The following NLGN4X variants were observed in gnomAD, a reference collection of about 807,000 sequenced individuals.
NLGN4X encodes the protein neuroligin-4, X-linked.
In NLGN4X, 3 loss-of-function variants were observed where a neutral mutation model predicts 40.3. The observed-to-expected ratio is 0.07, with a 90% CI of 0.03 to 0.19. The LOEUF (loss-of-function observed/expected upper bound fraction) is 0.19. Ranked by LOEUF, NLGN4X falls within the 10% of genes least tolerant of loss-of-function variation. NLGN4X has a pLI of 1.00. For missense variants in NLGN4X, 382 were observed against 708.3 expected (o/e 0.54, Z 5.23); for synonymous variants, 270 against 306.8 (o/e 0.88, Z 1.25).
At chrX:6,046,924 A>G (rs1276906011) in intron 2 of NLGN4X, among the ~76,000 whole-genome samples, 1 of 108,518 alleles carries the variant, frequency 9.2e-6, no homozygotes, top group Non-Finnish European at 1.9e-5. Flanking sequence ...TAAAATGTAT[A>G]TATAATGTAT....
At chrX:6,102,824 TTAGA>T (rs1463101491) in intron 2 of NLGN4X, among the ~76,000 whole-genome samples, 25 of 110,251 alleles carry the variant, frequency 2.3e-4, no homozygotes, top group Admixed American at 1.9e-3. Context: ...AATCAACAGA[TTAGA>T]TAGAGAGAGA....
chrX:6,216,206 T>C (rs1398290659), intron 1 of NLGN4X, among the ~76,000 whole-genome samples: 1 of 111,695 alleles, frequency 9.0e-6, no homozygotes. Context: ...TCCTGTCATA[T>C]AGGTGTTGGA....
chrX:6,143,740 A>T (rs779692431), intron 2 of NLGN4X, among the ~76,000 whole-genome samples: 7 of 112,007 alleles, frequency 6.2e-5, no homozygotes, highest in Non-Finnish European at 1.1e-4. Flanking sequence ...TAATCCCAGA[A>T]CTCTGGAGTT....
chrX:6,204,787 G>C (rs1053481770), intron 1 of NLGN4X, among the ~76,000 whole-genome samples: 2 of 111,696 alleles, frequency 1.8e-5, no homozygotes, highest in African/African-American at 6.5e-5. Context: ...TTATGTTTGA[G>C]AAACACTACA....
intron 2 of NLGN4X, among the ~76,000 whole-genome samples, chrX:6,111,347 G>C (rs1407402842): frequency 9.0e-6 from 1 of 111,278 alleles, no homozygotes; most frequent in Non-Finnish European, 1.9e-5. Flanking sequence ...AACATGTGAG[G>C]ATAAATCAAG....
rs143680924 is a variant in NLGN4X, at chrX:6,204,952, A to C, written c.-306+23589T>G. On this transcript the variant is annotated intron_variant, in intron 1 of 5. Coordinates refer to ENST00000381095, the MANE Select transcript of NLGN4X (RefSeq NM_181332.3). The stretch of plus-strand genomic sequence containing the variant: ...GTTTTGTGGATGCAGCAATCAGGCA[A>C]ACCAGGAAACCATGAGCCAATTCTT... Among the ~76,000 whole-genome samples, 11 of 111,861 alleles carry C rather than the reference A, an allele frequency of 9.8e-5. No individual in the cohort carries two copies. The East Asian group carries it at 3.1e-3, about 32-fold the overall frequency.
At chrX:6,013,375 T>G (rs1342630659) in intron 3 of NLGN4X, among the ~76,000 whole-genome samples, 1 of 106,117 alleles carries the variant, frequency 9.4e-6, no homozygotes, top group East Asian at 3.0e-4. Context: ...GGGCATTCAC[T>G]GATTTTGAGA....
intron 3 of NLGN4X, among the ~76,000 whole-genome samples, chrX:5,985,218 G>A (rs1208866616): frequency 9.1e-6 from 1 of 110,075 alleles, no homozygotes. Context: ...TAGTGTAGAG[G>A]GAGAAGTGGG....
chrX:6,077,009 T>C (rs1033863977), intron 2 of NLGN4X, among the ~76,000 whole-genome samples: 17 of 111,885 alleles, frequency 1.5e-4, no homozygotes, highest in African/African-American at 5.5e-4. Flanking sequence ...ATAGTTCCAA[T>C]ATGTTCTTTC....
chrX:5,930,283 A>G (rs1408076253), intron 3 of NLGN4X, among the ~76,000 whole-genome samples: 6 of 112,350 alleles, frequency 5.3e-5, no homozygotes, highest in Non-Finnish European at 9.4e-5. Context: ...CAACAATAAG[A>G]AATGTAGATA....
At chrX:6,212,534 C>T (rs1368381120) in intron 1 of NLGN4X, among the ~76,000 whole-genome samples, 1 of 111,573 alleles carries the variant, frequency 9.0e-6, no homozygotes, top group African/African-American at 3.3e-5. Flanking sequence ...GTTCCTTCAA[C>T]TTTATACCTC....
At chrX:6,155,698 G>A (rs901712431) in intron 1 of NLGN4X, among the ~76,000 whole-genome samples, 1 of 112,277 alleles carries the variant, frequency 8.9e-6, no homozygotes, top group African/African-American at 3.2e-5. Flanking sequence ...CTACATAAAG[G>A]AGATTACAAT....
Position 5,892,649 on chromosome X carries a change from G to T in NLGN4X, c.*168C>A. ...TGGAAAACACCAACGATAAGGGTCT[G>T]CCGGGATGGGATGACTGCCTTTTTG... is the stretch of plus-strand genomic sequence containing the variant. On this transcript the variant is annotated 3_prime_UTR_variant, in exon 6 of 6. Coordinates refer to ENST00000381095, the MANE Select transcript of NLGN4X (RefSeq NM_181332.3). 1 of 619,836 alleles carries T rather than the reference G, an allele frequency of 1.6e-6. No homozygotes were observed. The highest frequency in any genetic ancestry group is 2.5e-6 in the Non-Finnish European group (1 of 398,338). The allele number at this position is 619,836 out of a possible 1,213,427, so 51.1% of individuals were successfully genotyped here.
In NLGN4X at chrX:6,043,966, T is replaced by C. The variant is rs760289300; in HGVS notation, c.473-14534A>G. Among the ~76,000 whole-genome samples, 4 of 111,244 alleles carry C rather than the reference T, an allele frequency of 3.6e-5. No homozygotes were observed. The South Asian group carries it at 1.5e-3, about 42-fold the overall frequency. ...CATAATGAAGAGGTTCTTTATTCTGTTCAGTTAAACACTAAAGGAGGCTGG... is the reference window on the plus strand; with the variant it reads ...CATAATGAAGAGGTTCTTTATTCTGCTCAGTTAAACACTAAAGGAGGCTGG... On this transcript the variant is annotated intron_variant, in intron 2 of 5. Coordinates refer to ENST00000381095, the MANE Select transcript of NLGN4X (RefSeq NM_181332.3).
intron 2 of NLGN4X, among the ~76,000 whole-genome samples, chrX:6,059,054 T>TA (rs60528751): frequency 0.024 from 2,600 of 110,043 alleles, 66 homozygotes; most frequent in African/African-American, 0.079. Context: ...TGGAATTAGC[T>TA]AAAAAAAAAT....
chrX:6,040,982 G>C (rs2037142183), intron 2 of NLGN4X, among the ~76,000 whole-genome samples: 1 of 111,348 alleles, frequency 9.0e-6, no homozygotes, highest in Non-Finnish European at 1.9e-5. Flanking sequence ...CTCAGCCCCT[G>C]GAAACTACCC....
At chrX:6,026,672 G>A (rs2036703280) in intron 3 of NLGN4X, among the ~76,000 whole-genome samples, 1 of 111,400 alleles carries the variant, frequency 9.0e-6, no homozygotes, top group Admixed American at 9.6e-5. Flanking sequence ...AGTGTGCTTG[G>A]CTGTTCCACA....
intron 1 of NLGN4X, among the ~76,000 whole-genome samples, chrX:6,222,144 T>G (rs1176351366): frequency 9.0e-6 from 1 of 111,248 alleles, no homozygotes; most frequent in Non-Finnish European, 1.9e-5. Context: ...AAGGTGCCCT[T>G]AGCAAAATCC....
At position 6,041,888 on chromosome X, in the gene NLGN4X, G is replaced by C. The variant is rs115925019; in HGVS notation, c.473-12456C>G. Among the ~76,000 whole-genome samples, 458 of 112,454 alleles carry C rather than the reference G, an allele frequency of 4.1e-3. 5 individuals are homozygous for C. Among genetic ancestry groups the C allele is most frequent in the African/African-American group, 0.014 (433 of 31,013 alleles). On this transcript the variant is annotated intron_variant, in intron 2 of 5. Transcript: ENST00000381095. ...AACCAGTGATGAATACAGCCTTTAC[G>C]TAACAAGTGTAACTAATTCTCCTCT... is the stretch of plus-strand genomic sequence containing the variant.
Sources: gnomAD v4.1 joint callset for allele counts (sites outside exome capture counted in the v4.1 genomes callset) on GRCh38, gnomAD v4.1.1 for gene constraint, MANE v1.5 for transcripts, NCBI Gene and HGNC (gene_info 2026-07-23, HGNC 2026-07-21) for gene names.